Variants in PTPN3 observed in about 807,000 individuals in gnomAD.
PTPN3 encodes tyrosine-protein phosphatase non-receptor type 3.
A neutral mutation model predicts 132.7 loss-of-function variants in PTPN3; 96 were observed. The observed-to-expected ratio is 0.72, with a 90% CI of 0.61 to 0.86. The LOEUF is 0.86. Among genes scored for constraint, PTPN3 ranks in the 40% least tolerant of loss-of-function variants. The pLI is 0.00. For synonymous variants in PTPN3, 398 were observed against 429.0 expected (o/e 0.93, Z 0.89); for missense variants, 1,125 against 1,159.6 (o/e 0.97, Z 0.43).
At chr9:109,443,265 T>TG (rs1428674042) in intron 7 of PTPN3, among the ~76,000 whole-genome samples, 1 of 151,930 alleles carries the variant, frequency 6.6e-6, no homozygotes, top group Non-Finnish European at 1.5e-5. Context: ...TTTGTAGAGA[T>TG]GGGGCTTCAT....
At chr9:109,386,572 G>A (rs986372570) in intron 22 of PTPN3, among the ~76,000 whole-genome samples, 30 of 152,144 alleles carry the variant, frequency 2.0e-4, no homozygotes, top group African/African-American at 6.8e-4. Flanking sequence ...GAGAGGGGAT[G>A]GAGATCTCAG....
At chr9:109,505,865 T>A in the PTPN3 span, among the ~76,000 whole-genome samples, 1 of 151,958 alleles carries the variant, frequency 6.6e-6, no homozygotes, top group African/African-American at 2.4e-5. Flanking sequence ...TTCTTCTGCC[T>A]CAGCCTCCCG....
chr9:109,460,407 G>C (rs1845787335), intron 2 of PTPN3, among the ~76,000 whole-genome samples: 1 of 152,096 alleles, frequency 6.6e-6, no homozygotes, highest in Admixed American at 6.5e-5. Flanking sequence ...ACTGTGGACA[G>C]AGCCCCAGTG....
At chr9:109,496,643 A>G (rs1356599316) in intron 1 of PTPN3, among the ~76,000 whole-genome samples, 1 of 152,244 alleles carries the variant, frequency 6.6e-6, no homozygotes, top group Admixed American at 6.5e-5. Context: ...CAAAAGCACA[A>G]GATGAAATTC....
chr9:109,416,417 G>A (rs1842487194), intron 14 of PTPN3, among the ~76,000 whole-genome samples: 1 of 151,656 alleles, frequency 6.6e-6, no homozygotes, highest in Admixed American at 6.6e-5. Flanking sequence ...TCCTTCCAAT[G>A]AACAGAAGTT....
At chr9:109,524,854 C>G in the PTPN3 span, among the ~76,000 whole-genome samples, 177 of 152,338 alleles carry the variant, frequency 1.2e-3, no homozygotes, top group Non-Finnish European at 2.0e-3. Context: ...CCTCCTACCT[C>G]TGCCTCCCGA....
chr9:109,534,064 G>T, the PTPN3 span: 1 of 770,778 alleles, frequency 1.3e-6, no homozygotes, highest in East Asian at 2.5e-5. Context: ...CGTTTTGGCA[G>T]TCTGGGGTAC....
intron 21 of PTPN3, among the ~76,000 whole-genome samples, chr9:109,390,094 T>G (rs1482889478): frequency 5.3e-5 from 8 of 152,188 alleles, no homozygotes; most frequent in Admixed American, 3.3e-4. Flanking sequence ...AATGGCTTCC[T>G]CAGTCCTGGG....
At chr9:109,535,898 TAAAC>T in the PTPN3 span, among the ~76,000 whole-genome samples, 1 of 152,190 alleles carries the variant, frequency 6.6e-6, no homozygotes, top group Non-Finnish European at 1.5e-5. Flanking sequence ...ATTAACCACT[TAAAC>T]AGAACAATTT....
At chr9:109,538,164 G>A in the PTPN3 span, among the ~76,000 whole-genome samples, 1 of 152,152 alleles carries the variant, frequency 6.6e-6, no homozygotes, top group South Asian at 2.1e-4. Flanking sequence ...ACTTCAAAAT[G>A]GGCATAAATG....
intron 19 of PTPN3, among the ~76,000 whole-genome samples, chr9:109,402,143 C>T (rs968380278): frequency 1.3e-5 from 2 of 152,098 alleles, no homozygotes; most frequent in Non-Finnish European, 2.9e-5. Context: ...TCTCTAATAC[C>T]AAAAAACCGG....
At chr9:109,471,832 CCT>C (rs745848805) in intron 1 of PTPN3, among the ~76,000 whole-genome samples, 3 of 152,120 alleles carry the variant, frequency 2.0e-5, no homozygotes, top group Non-Finnish European at 4.4e-5. Flanking sequence ...ATAAATACCC[CCT>C]GACCCTCATG....
the PTPN3 span, among the ~76,000 whole-genome samples, chr9:109,530,136 G>C: frequency 1.3e-5 from 2 of 152,282 alleles, no homozygotes; most frequent in Admixed American, 1.3e-4. Context: ...ATGGCATTGA[G>C]TTCATTCATT....
intron 11 of PTPN3, among the ~76,000 whole-genome samples, chr9:109,427,346 A>G (rs1204529266): frequency 6.6e-6 from 1 of 152,228 alleles, no homozygotes; most frequent in East Asian, 1.9e-4. Context: ...ATTCTTTATC[A>G]TCATCTGCGC....
At chr9:109,424,615 G>A (rs1424131473) in intron 12 of PTPN3, among the ~76,000 whole-genome samples, 3 of 152,174 alleles carry the variant, frequency 2.0e-5, no homozygotes, top group African/African-American at 7.2e-5. Context: ...TCCAGATGGG[G>A]ATGCTAAGGA....
chr9:109,518,099 T>G, the PTPN3 span, among the ~76,000 whole-genome samples: 1 of 152,208 alleles, frequency 6.6e-6, no homozygotes, highest in Non-Finnish European at 1.5e-5. Context: ...TGGTTTCCTT[T>G]AACCCTGCTC....
intron 12 of PTPN3, among the ~76,000 whole-genome samples, chr9:109,425,685 A>G (rs1316688888): frequency 6.6e-6 from 1 of 151,030 alleles, no homozygotes; most frequent in Non-Finnish European, 1.5e-5. Flanking sequence ...TGGGCGACAG[A>G]GTGAGACTTC....
intron 16 of PTPN3, among the ~76,000 whole-genome samples, chr9:109,408,684 C>T (rs1449861087): frequency 6.6e-6 from 1 of 151,500 alleles, no homozygotes; most frequent in Non-Finnish European, 1.5e-5. Context: ...TCCTTAAAAA[C>T]GCAGATGCCC....
At chr9:109,527,443 G>A in the PTPN3 span, among the ~76,000 whole-genome samples, 6 of 151,998 alleles carry the variant, frequency 3.9e-5, no homozygotes, top group African/African-American at 1.2e-4. Flanking sequence ...CTTGGATAAC[G>A]GAGCGAGACA....
Sources: allele counts gnomAD v4.1 joint callset (sites outside exome capture counted in the v4.1 genomes callset), GRCh38; gene constraint gnomAD v4.1.1; transcripts MANE v1.5; gene names NCBI Gene and HGNC (gene_info 2026-07-23, HGNC 2026-07-21).